DNAH12: variants seen among roughly 807,000 people sequenced by gnomAD.
DNAH12 encodes dynein axonemal heavy chain 12.
DNAH12 carries 285 observed loss-of-function variants against 371.5 expected under a neutral mutation model. That is an observed-to-expected ratio of 0.77 (90% confidence interval 0.70 to 0.85). DNAH12 has a LOEUF of 0.85. Among genes scored for constraint, DNAH12 ranks in the 40% least tolerant of loss-of-function variants. The pLI is 0.00. For synonymous variants in DNAH12, 1,200 were observed against 1,213.0 expected (o/e 0.99, Z 0.22); for missense variants, 3,611 against 3,689.4 (o/e 0.98, Z 0.55).
intron 56 of DNAH12, among the ~76,000 whole-genome samples, chr3:57,367,406 C>A (rs981585630): frequency 1.3e-4 from 20 of 152,136 alleles, no homozygotes; most frequent in Admixed American, 1.3e-4. Flanking sequence ...TACAGCAGGA[C>A]TCTTTCTGGG....
Position 57,425,111 on chromosome 3 carries a change from C to A in DNAH12, c.5284G>T (p.Val1762Phe). Residue 1762 changes from valine to phenylalanine, a missense_variant, in exon 35 of 74, where the codon GTT becomes TTT. Coordinates refer to ENST00000495027, the MANE Select transcript of DNAH12 (RefSeq NM_001366028.2). ...ELIPTSNSNV[V>F]VSLTRLFEVL... ...TCAAAGAGGCGTGTGAGAGATACAA[C>A]CACGTTGCTGTTGCTTGTAGGAATC... 1 of 702,656 alleles carries A rather than the reference C, an allele frequency of 1.4e-6. No homozygotes were observed. The highest frequency in any genetic ancestry group is 2.6e-6 in the Non-Finnish European group (1 of 384,846). 43.5% of individuals were successfully genotyped at this position (702,656 alleles called of 1,614,324 possible). A position where few individuals can be genotyped will look rare whatever the true frequency, so the allele number is the denominator to read the frequency against.
rs1051106101 is a variant in DNAH12, at chr3:57,411,400, T to C, written c.6020+2346A>G. Among the ~76,000 whole-genome samples the C allele has an allele frequency of 4.0e-5, 6 of 151,688 alleles. No homozygotes were observed. The East Asian group carries it at 9.7e-4, about 24-fold the overall frequency. On this transcript the variant is annotated intron_variant, in intron 39 of 73. Coordinates refer to ENST00000495027, the MANE Select transcript of DNAH12 (RefSeq NM_001366028.2). ...AAAATTAGTTGGGCATGGTGGCACA[T>C]GCCTGTAATCCCAGCTACTTGGGAG... is the stretch of plus-strand genomic sequence containing the variant.
intron 62 of DNAH12, among the ~76,000 whole-genome samples, chr3:57,326,057 T>C (rs2061936550): frequency 6.6e-6 from 1 of 152,118 alleles, no homozygotes; most frequent in African/African-American, 2.4e-5. Context: ...TATGGGACTA[T>C]GGGAAAAGAC....
At chr3:57,373,056 A>T (rs1038158642) in intron 55 of DNAH12, among the ~76,000 whole-genome samples, 1 of 152,176 alleles carries the variant, frequency 6.6e-6, no homozygotes, top group Admixed American at 6.5e-5. Context: ...ACCTTTCATC[A>T]TGTCCAAAAA....
chr3:57,502,068 G>T (rs2153390582), intron 10 of DNAH12, among the ~76,000 whole-genome samples: 1 of 152,148 alleles, frequency 6.6e-6, no homozygotes, highest in African/African-American at 2.4e-5. Context: ...CACGACGCCC[G>T]GCTAATTTTT....
chr3:57,534,515 T>C (rs1167406031), intron 2 of DNAH12, among the ~76,000 whole-genome samples: 1 of 148,268 alleles, frequency 6.7e-6, no homozygotes, highest in Non-Finnish European at 1.5e-5. Flanking sequence ...TAGCTTTTTT[T>C]TTTTTTTTTT....
At position 57,452,908 on chromosome 3, in the gene DNAH12, C is replaced by T. The variant is rs1180314077; in HGVS notation, c.3721G>A (p.Glu1241Lys). ...AGTCGAGGTGAGTTACCAAGATATT[C>T]ATAAGCATATTTTACATTGCAATTA... ...IINCNVKYAY[E>K]YLGNSPRLVI... The change falls in exon 25 of 74, where the codon GAA (glutamate) becomes AAA (lysine). Residue 1241 changes from glutamate to lysine, a missense_variant. Physicochemically the swap from Glu to Lys is moderately conservative, Grantham distance 56. Coordinates refer to ENST00000495027, the MANE Select transcript of DNAH12 (RefSeq NM_001366028.2). 6.4e-7 allele frequency: 1 copy of T among 1,551,368 alleles called. No homozygotes were observed. Among genetic ancestry groups the T allele is most frequent in the Non-Finnish European group, 8.7e-7 (1 of 1,146,920 alleles).
At chr3:57,394,048 C>T (rs912204379) in intron 44 of DNAH12, 123 bp downstream of exon 44, 1 of 152,258 alleles carries the variant, frequency 6.6e-6, no homozygotes, top group Non-Finnish European at 1.5e-5. Context: ...AACTAATATA[C>T]TTTAAATTTT....
At chr3:57,420,638 A>G (rs1296736413) in intron 36 of DNAH12, among the ~76,000 whole-genome samples, 5 of 135,416 alleles carry the variant, frequency 3.7e-5, no homozygotes, top group Non-Finnish European at 6.2e-5. Flanking sequence ...GGCCGGGCGC[A>G]GTGGCTCACG....
intron 39 of DNAH12, 89 bp from the exon 40 acceptor site, chr3:57,408,624 G>C (rs2064111044): frequency 7.4e-7 from 1 of 1,351,732 alleles, no homozygotes; most frequent in Non-Finnish European, 9.6e-7. Context: ...AATTTAATCA[G>C]ATTTTAGCTT....
intron 49 of DNAH12, among the ~76,000 whole-genome samples, chr3:57,383,043 T>C (rs1049379960): frequency 1.2e-4 from 18 of 152,178 alleles, no homozygotes; most frequent in African/African-American, 4.1e-4. Flanking sequence ...AAGACATCCA[T>C]TGTGACAATA....
At chr3:57,442,677 A>C (rs2065345399) in intron 29 of DNAH12, among the ~76,000 whole-genome samples, 1 of 152,226 alleles carries the variant, frequency 6.6e-6, no homozygotes, top group African/African-American at 2.4e-5. Context: ...AGTATTCATA[A>C]GAGTACATAA....
At chr3:57,355,334 T>C (rs1368856439) in intron 59 of DNAH12, among the ~76,000 whole-genome samples, 2 of 152,032 alleles carry the variant, frequency 1.3e-5, no homozygotes, top group African/African-American at 4.8e-5. Flanking sequence ...TACTCAAACA[T>C]ATAATAAAAT....
intron 34 of DNAH12, chr3:57,428,298 T>G: frequency 1.0e-6 from 1 of 999,498 alleles, no homozygotes; most frequent in Non-Finnish European, 1.3e-6. Flanking sequence ...ATGTAAAGTT[T>G]TCTCATAAAA....
intron 2 of DNAH12, among the ~76,000 whole-genome samples, chr3:57,539,775 G>A (rs760222662): frequency 1.1e-4 from 17 of 151,700 alleles, no homozygotes; most frequent in Admixed American, 2.0e-4. Context: ...CACCATACCC[G>A]GCTAATTTTT....
At chr3:57,389,544 T>A (rs2153346375) in intron 45 of DNAH12, among the ~76,000 whole-genome samples, 1 of 152,104 alleles carries the variant, frequency 6.6e-6, no homozygotes, top group African/African-American at 2.4e-5. Context: ...GCTTGTCCCA[T>A]TATGGTGACA....
In DNAH12 at chr3:57,542,903, T is replaced by C. The variant is rs757144020; in HGVS notation, c.-33A>G. 39 of 1,508,536 alleles carry C rather than the reference T, an allele frequency of 2.6e-5. No individual in the cohort carries two copies. Among genetic ancestry groups the C allele is most frequent in the South Asian group, 1.3e-4 (9 of 70,914 alleles). 93.4% of individuals were successfully genotyped at this position (1,508,536 alleles called of 1,614,324 possible). ...CCCTAAAGATTAAAATACTCTGTAC[T>C]CTGAGGAGAAAAAGTCCATAAAGCC... On this transcript the variant is annotated splice_region_variant and 5_prime_UTR_variant, in exon 2 of 74. Coordinates refer to ENST00000495027, the MANE Select transcript of DNAH12 (RefSeq NM_001366028.2).
chr3:57,551,783 A>G, the DNAH12 span, among the ~76,000 whole-genome samples: 1 of 151,982 alleles, frequency 6.6e-6, no homozygotes, highest in Non-Finnish European at 1.5e-5. Flanking sequence ...AGCTTTCTAT[A>G]TCATATGAAA....
chr3:57,397,673 G>A (rs1400356719), intron 43 of DNAH12, among the ~76,000 whole-genome samples: 9 of 152,290 alleles, frequency 5.9e-5, no homozygotes, highest in African/African-American at 1.2e-4. Context: ...AAGCTCCTGA[G>A]AAGAAACAGG....
Sources: allele counts gnomAD v4.1 joint callset (sites outside exome capture counted in the v4.1 genomes callset), GRCh38; gene constraint gnomAD v4.1.1; transcripts MANE v1.5; gene names NCBI Gene and HGNC (gene_info 2026-07-23, HGNC 2026-07-21).